The following GAB2 variants were observed in gnomAD, a reference collection of about 807,000 sequenced individuals.
GAB2 encodes the protein GRB2-associated-binding protein 2.
In GAB2, 26 loss-of-function variants were observed where a neutral mutation model predicts 65.5. The observed-to-expected ratio is 0.40, with a 90% CI of 0.29 to 0.55. GAB2 has a LOEUF of 0.55. Ranked by LOEUF, GAB2 falls within the 20% of genes least tolerant of loss-of-function variation. The pLI, the probability that GAB2 is intolerant of heterozygous loss-of-function variation, is 0.53. For missense variants in GAB2, 884 were observed against 875.8 expected (o/e 1.01, Z -0.12); for synonymous variants, 321 against 329.6 (o/e 0.97, Z 0.28).
rs372832196 is a variant in GAB2, at chr11:78,385,938, TTAA to T, written c.75+31705_75+31707del. ...AGACTGATACATAATTAGTATTTTA[TTAA>T]TAAAAAAATGAAAGTGTAGCTATGA... On this transcript the variant is annotated intron_variant, in intron 1 of 9. Coordinates refer to ENST00000361507, the MANE Select transcript of GAB2 (RefSeq NM_080491.3). Among the ~76,000 whole-genome samples the T allele has an allele frequency of 5.4e-3, 821 of 152,326 alleles. 8 individuals are homozygous for T. Among genetic ancestry groups the T allele is most frequent in the South Asian group, 0.021 (100 of 4,830 alleles).
chr11:78,383,407 A>G (rs1232953789), intron 1 of GAB2, among the ~76,000 whole-genome samples: 2 of 151,726 alleles, frequency 1.3e-5, no homozygotes, highest in East Asian at 3.9e-4. Flanking sequence ...CTGAAACACA[A>G]GGAATGGCAT....
At chr11:78,402,187 T>G (rs1856981742) in intron 1 of GAB2, among the ~76,000 whole-genome samples, 1 of 152,208 alleles carries the variant, frequency 6.6e-6, no homozygotes, top group Non-Finnish European at 1.5e-5. Flanking sequence ...TTGCACACAC[T>G]GTGTATGTCC....
In GAB2 at chr11:78,304,794, G is replaced by C. The variant is rs549346284; in HGVS notation, c.76-23893C>G. 2.6e-5 allele frequency among the ~76,000 whole-genome samples: 4 copies of C among 152,282 alleles called. No homozygotes were observed. The East Asian group carries it at 5.8e-4, about 22-fold the overall frequency. ...TACAGTGCCAAGTCTAAACTACTCA[G>C]GATAGCATTCAAGGGCCTTCCTTCA... On this transcript the variant is annotated intron_variant, in intron 1 of 9. Coordinates refer to ENST00000361507, the MANE Select transcript of GAB2 (RefSeq NM_080491.3).
intron 1 of GAB2, among the ~76,000 whole-genome samples, chr11:78,320,620 ACT>A (rs1320929970): frequency 2.0e-5 from 3 of 151,178 alleles, no homozygotes; most frequent in African/African-American, 7.3e-5. Context: ...ACAAGGTCTC[ACT>A]CTGTTGCCCA....
chr11:78,255,321 G>A (rs1320232860), intron 2 of GAB2, among the ~76,000 whole-genome samples: 1 of 152,148 alleles, frequency 6.6e-6, no homozygotes, highest in African/African-American at 2.4e-5. Flanking sequence ...CTCTAGAACT[G>A]TGAGAGAGTA....
intron 1 of GAB2, among the ~76,000 whole-genome samples, chr11:78,381,485 A>C (rs1856696658): frequency 6.6e-6 from 1 of 151,866 alleles, no homozygotes; most frequent in African/African-American, 2.4e-5. Context: ...AGACCTCCTC[A>C]CTCCCAGTAC....
intron 1 of GAB2, among the ~76,000 whole-genome samples, chr11:78,316,709 T>C (rs1013714651): frequency 6.6e-6 from 1 of 152,168 alleles, no homozygotes. Context: ...GTGCAGCTGC[T>C]ATAGAAGAGA....
chr11:78,279,474 G>A (rs570039304), intron 2 of GAB2, among the ~76,000 whole-genome samples: 4 of 152,046 alleles, frequency 2.6e-5, no homozygotes, highest in South Asian at 4.2e-4. Flanking sequence ...TAATTTACAC[G>A]CCATAAATTT....
intron 1 of GAB2, among the ~76,000 whole-genome samples, chr11:78,371,480 G>A (rs1856570739): frequency 6.6e-6 from 1 of 152,176 alleles, no homozygotes; most frequent in South Asian, 2.1e-4. Context: ...CATAAGAGGG[G>A]CTGATTCTTT....
At chr11:78,235,037 T>G (rs942309878) in intron 3 of GAB2, among the ~76,000 whole-genome samples, 32 of 152,064 alleles carry the variant, frequency 2.1e-4, no homozygotes, top group Non-Finnish European at 2.8e-4. Flanking sequence ...GGGGCTGCCA[T>G]GAAGGTCTCT....
At chr11:78,411,106 T>C (rs893415453) in intron 1 of GAB2, among the ~76,000 whole-genome samples, 7 of 150,146 alleles carry the variant, frequency 4.7e-5, no homozygotes, top group East Asian at 2.0e-4. Flanking sequence ...TGAGCCATGA[T>C]TGTGCCACTG....
chr11:78,310,081 C>T (rs1296930786), intron 1 of GAB2, among the ~76,000 whole-genome samples: 3 of 151,876 alleles, frequency 2.0e-5, no homozygotes, highest in African/African-American at 7.3e-5. Flanking sequence ...AACCTCAAAC[C>T]ATGCATAGGA....
At chr11:78,313,857 A>T (rs1012186626) in intron 1 of GAB2, among the ~76,000 whole-genome samples, 1 of 152,246 alleles carries the variant, frequency 6.6e-6, no homozygotes, top group East Asian at 1.9e-4. Context: ...ATAAGGTATC[A>T]GTACAGATTA....
chr11:78,398,689 G>A lies in GAB2; in HGVS notation c.75+18957C>T, dbSNP rs116234121. Reference sequence around the variant, plus strand: ...GGTTATAACCATGTAAAAAATGAGCGTGTGGCCAAAATAACAGCAATAGCA... The same window carrying A: ...GGTTATAACCATGTAAAAAATGAGCATGTGGCCAAAATAACAGCAATAGCA... On this transcript the variant is annotated intron_variant, in intron 1 of 9. Coordinates refer to ENST00000361507, the MANE Select transcript of GAB2 (RefSeq NM_080491.3). Among the ~76,000 whole-genome samples the A allele has an allele frequency of 7.4e-3, 1,121 of 152,116 alleles. 11 individuals are homozygous for A. The highest frequency in any genetic ancestry group is 0.023 in the African/African-American group (945 of 41,402).
chr11:78,229,319 T>C (rs1040964582), intron 3 of GAB2, among the ~76,000 whole-genome samples: 3 of 152,076 alleles, frequency 2.0e-5, no homozygotes, highest in Non-Finnish European at 2.9e-5. Context: ...TCGAAGCTGC[T>C]CAGGCTGCAG....
chr11:78,239,767 G>A (rs1185082991), intron 3 of GAB2, among the ~76,000 whole-genome samples: 1 of 152,172 alleles, frequency 6.6e-6, no homozygotes, highest in African/African-American at 2.4e-5. Flanking sequence ...CTCACCACTG[G>A]AGTCCCCTGA....
At chr11:78,337,106 C>T (rs142468218) in intron 1 of GAB2, among the ~76,000 whole-genome samples, 30 of 152,284 alleles carry the variant, frequency 2.0e-4, no homozygotes, top group African/African-American at 6.5e-4. Context: ...ACCAGCCTTG[C>T]GATTAAATGC....
At chr11:78,330,883 G>A (rs1315716838) in intron 1 of GAB2, among the ~76,000 whole-genome samples, 3 of 151,552 alleles carry the variant, frequency 2.0e-5, no homozygotes, top group African/African-American at 4.9e-5. Flanking sequence ...GTTATTAATA[G>A]TAGAACCAGG....
At chr11:78,278,282 C>G (rs969041262) in intron 2 of GAB2, among the ~76,000 whole-genome samples, 1 of 151,954 alleles carries the variant, frequency 6.6e-6, no homozygotes, top group African/African-American at 2.4e-5. Context: ...GTTGGCCAGG[C>G]TGGTCTTGAA....
Sources: gnomAD v4.1 joint callset for allele counts (sites outside exome capture counted in the v4.1 genomes callset) on GRCh38, gnomAD v4.1.1 for gene constraint, MANE v1.5 for transcripts, NCBI Gene and HGNC (gene_info 2026-07-23, HGNC 2026-07-21) for gene names.